The following KHDRBS2 variants were observed in gnomAD, a reference collection of about 807,000 sequenced individuals.
The protein encoded by KHDRBS2 is KH domain-containing, RNA-binding, signal transduction-associated protein 2.
KHDRBS2 carries 26 observed loss-of-function variants against 44.3 expected under a neutral mutation model. The ratio of observed to expected loss-of-function variants is 0.59; its 90% CI spans 0.43 to 0.81. The LOEUF is 0.81. KHDRBS2 is among the 40% of genes least tolerant of loss of function. The probability of loss-of-function intolerance (pLI) is 0.00; values close to 1 mark genes in which losing one functional copy is unlikely to be tolerated. For synonymous variants in KHDRBS2, 194 were observed against 151.1 expected (o/e 1.28, Z -2.08); for missense variants, 476 against 433.1 (o/e 1.10, Z -0.88).
chr6:61,814,683 G>A (rs1296834317), intron 6 of KHDRBS2, among the ~76,000 whole-genome samples: 2 of 152,102 alleles, frequency 1.3e-5, no homozygotes, highest in Non-Finnish European at 2.9e-5. Flanking sequence ...AGAATTGTAT[G>A]GGTTTGTTTG....
chr6:61,697,393 T>C (rs969435103), intron 7 of KHDRBS2, 140 bp from the exon 8 acceptor site: 90 of 633,214 alleles, frequency 1.4e-4, no homozygotes, highest in Non-Finnish European at 2.1e-4. Context: ...CCTAAATAAA[T>C]CTTCAGTAAG....
the KHDRBS2 span, among the ~76,000 whole-genome samples, chr6:61,610,652 T>A: frequency 1.3e-5 from 2 of 152,136 alleles, no homozygotes; most frequent in Admixed American, 6.5e-5. Context: ...ACAGTAGTTG[T>A]CTCTCCCTAG....
At chr6:62,065,141 T>A (rs544801709) in intron 2 of KHDRBS2, among the ~76,000 whole-genome samples, 139 of 150,860 alleles carry the variant, frequency 9.2e-4, no homozygotes, top group African/African-American at 3.2e-3. Flanking sequence ...CAACAGGTGC[T>A]GGAGAGGATG....
intron 3 of KHDRBS2, among the ~76,000 whole-genome samples, chr6:62,014,196 C>A (rs1263366587): frequency 6.6e-6 from 1 of 152,114 alleles, no homozygotes; most frequent in Non-Finnish European, 1.5e-5. Flanking sequence ...TATCTACTCT[C>A]AATGAGTTCT....
chr6:61,706,075 T>A (rs1297243367), intron 7 of KHDRBS2, among the ~76,000 whole-genome samples: 1 of 151,842 alleles, frequency 6.6e-6, no homozygotes, highest in Non-Finnish European at 1.5e-5. Flanking sequence ...TTGGAACTTC[T>A]GTGCTTTATA....
chr6:61,592,728 T>C, the KHDRBS2 span, among the ~76,000 whole-genome samples: 1 of 152,152 alleles, frequency 6.6e-6, no homozygotes, highest in Admixed American at 6.5e-5. Context: ...GAAAGTTTCA[T>C]ATATTAAGTT....
At chr6:61,833,595 T>A (rs1422485327) in intron 6 of KHDRBS2, among the ~76,000 whole-genome samples, 1 of 152,090 alleles carries the variant, frequency 6.6e-6, no homozygotes, top group African/African-American at 2.4e-5. Context: ...CAGATACAAA[T>A]TACATGAAAC....
the KHDRBS2 span, among the ~76,000 whole-genome samples, chr6:61,550,169 G>T: frequency 6.6e-6 from 1 of 152,034 alleles, no homozygotes; most frequent in Non-Finnish European, 1.5e-5. Flanking sequence ...CATAGTACTC[G>T]ATAGGTAGTT....
intron 2 of KHDRBS2, among the ~76,000 whole-genome samples, chr6:62,125,801 C>T (rs1808822700): frequency 6.6e-6 from 1 of 152,162 alleles, no homozygotes; most frequent in South Asian, 2.1e-4. Context: ...TCTTCACCCG[C>T]TGACTAAAGA....
chr6:62,095,996 A>T (rs567580915), intron 2 of KHDRBS2, among the ~76,000 whole-genome samples: 48 of 151,990 alleles, frequency 3.2e-4, no homozygotes, highest in African/African-American at 1.2e-3. Flanking sequence ...TATGTTCTTC[A>T]TTCTCGTCAT....
the KHDRBS2 span, among the ~76,000 whole-genome samples, chr6:61,632,478 G>A: frequency 5.7e-4 from 87 of 152,180 alleles, no homozygotes; most frequent in African/African-American, 2.0e-3. Context: ...AGTAGAATAC[G>A]TTAGTTCATC....
In KHDRBS2 at chr6:61,920,436, A is replaced by G. The variant is rs1807861604; in HGVS notation, c.484-19065T>C. Among the ~76,000 whole-genome samples, 3 of 152,094 alleles carry G rather than the reference A, an allele frequency of 2.0e-5. No individual in the cohort carries two copies. The South Asian group carries it at 6.2e-4, about 31-fold the overall frequency. On this transcript the variant is annotated intron_variant, in intron 4 of 8. Transcript: ENST00000281156. ...TTCTTATGCTCCCCAGGGGGATTAC[A>G]GAATTGCCTACTCTCCTATACCACC... is the stretch of plus-strand genomic sequence containing the variant.
intron 3 of KHDRBS2, among the ~76,000 whole-genome samples, chr6:62,021,738 A>G (rs1003791516): frequency 1.1e-4 from 17 of 151,796 alleles, no homozygotes; most frequent in Admixed American, 1.1e-3. Flanking sequence ...GGATTTCTGA[A>G]TAACATGATA....
At chr6:61,545,507 GT>G in the KHDRBS2 span, among the ~76,000 whole-genome samples, 1 of 151,230 alleles carries the variant, frequency 6.6e-6, no homozygotes, top group African/African-American at 2.4e-5. Context: ...ATCTCTGTGT[GT>G]GTGTGTGTGT....
chr6:61,928,648 G>A (rs747595867), intron 4 of KHDRBS2, among the ~76,000 whole-genome samples: 1 of 151,872 alleles, frequency 6.6e-6, no homozygotes, highest in Non-Finnish European at 1.5e-5. Flanking sequence ...TAATAGAGTG[G>A]CACTGTATGC....
chr6:62,225,691 C>T (rs1267774789), intron 1 of KHDRBS2, among the ~76,000 whole-genome samples: 6 of 151,792 alleles, frequency 4.0e-5, no homozygotes, highest in Non-Finnish European at 8.8e-5. Context: ...TTACCCTCGG[C>T]CCCCACCCCC....
At chr6:61,966,725 T>G (rs1434244497) in intron 4 of KHDRBS2, among the ~76,000 whole-genome samples, 1 of 152,024 alleles carries the variant, frequency 6.6e-6, no homozygotes, top group East Asian at 1.9e-4. Context: ...TTATTATTAT[T>G]TTTTGGAATA....
At chr6:62,048,255 C>A (rs1464217238) in intron 2 of KHDRBS2, among the ~76,000 whole-genome samples, 2 of 151,420 alleles carry the variant, frequency 1.3e-5, no homozygotes, top group African/African-American at 2.4e-5. Flanking sequence ...TTGAAAATAT[C>A]ATTTACATAT....
At chr6:61,850,268 A>G (rs1283078645) in intron 6 of KHDRBS2, among the ~76,000 whole-genome samples, 1 of 152,062 alleles carries the variant, frequency 6.6e-6, no homozygotes, top group East Asian at 1.9e-4. Flanking sequence ...CACAAATCAG[A>G]CTTTTAATAT....
Sources: gnomAD v4.1 joint callset for allele counts (sites outside exome capture counted in the v4.1 genomes callset) on GRCh38, gnomAD v4.1.1 for gene constraint, MANE v1.5 for transcripts, NCBI Gene and HGNC (gene_info 2026-07-23, HGNC 2026-07-21) for gene names.